The following TNFSF11 variants were observed in gnomAD, a reference collection of about 807,000 sequenced individuals.
The protein encoded by TNFSF11 is tumor necrosis factor ligand superfamily member 11.
Under a neutral mutation model 32.2 loss-of-function variants are expected in TNFSF11, and 12 were observed. The observed-to-expected ratio is 0.37, with a 90% CI of 0.24 to 0.60. TNFSF11 has a LOEUF of 0.60. TNFSF11 is among the 20% of genes least tolerant of loss of function. TNFSF11 has a pLI of 0.66. For missense variants in TNFSF11, 345 were observed against 398.0 expected (o/e 0.87, Z 1.13); for synonymous variants, 172 against 152.1 (o/e 1.13, Z -0.96).
chr13:42,572,165 A>G (rs1015180552), upstream of TNFSF11, among the ~76,000 whole-genome samples: 10 of 152,338 alleles, frequency 6.6e-5, no homozygotes, highest in African/African-American at 2.4e-4. Flanking sequence ...GAGTACTAGT[A>G]GAAATGTCAT....
At chr13:42,574,022 G>C (rs1873169675), upstream of TNFSF11, 1 of 516,776 alleles carries the variant, frequency 1.9e-6, no homozygotes, top group African/African-American at 2.0e-5. Flanking sequence ...GATTGAGAGA[G>C]AGGGAGGGCG....
At chr13:42,587,668 A>T (rs959225220) in intron 2 of TNFSF11, among the ~76,000 whole-genome samples, 1 of 152,230 alleles carries the variant, frequency 6.6e-6, no homozygotes, top group African/African-American at 2.4e-5. Flanking sequence ...ATAAACCTTG[A>T]TTGTCACCTG....
Position 42,563,741 on chromosome 13 carries a change from CTTG to C in TNFSF11, c.-302+782_-302+784del, listed in dbSNP as rs1872768701. Among the ~76,000 whole-genome samples, 3 of 151,010 alleles carry C rather than the reference CTTG, an allele frequency of 2.0e-5. No individual in the cohort carries two copies. The South Asian group carries it at 6.3e-4, about 32-fold the overall frequency. On this transcript the variant is annotated intron_variant, in intron 1 of 6. Coordinates refer to the TNFSF11 transcript ENST00000358545. ...AGCCTGAGGGAAAATATATGGACTA[CTTG>C]TTGGTTTTAAGGTTTTTTTCTTTGT...
chr13:42,562,973 G>A (rs1161020872), intron 1 of TNFSF11: 1 of 152,244 alleles, frequency 6.6e-6, no homozygotes, highest in Non-Finnish European at 1.5e-5. Flanking sequence ...GGTACTATTA[G>A]TTGCAGAAAT....
upstream of TNFSF11, among the ~76,000 whole-genome samples, chr13:42,572,167 A>C (rs966303980): frequency 4.6e-5 from 7 of 152,220 alleles, no homozygotes; most frequent in African/African-American, 1.7e-4. Flanking sequence ...GTACTAGTAG[A>C]AATGTCATAT....
Position 42,583,792 on chromosome 13 carries a change from T to C in TNFSF11, c.387+2499T>C, listed in dbSNP as rs150632997. On this transcript the variant is annotated intron_variant, in intron 2 of 4. Coordinates refer to ENST00000398795, the MANE Select transcript of TNFSF11 (RefSeq NM_003701.4). The stretch of plus-strand genomic sequence containing the variant: ...AAGATGCCCACTGTCCCTACGTTAT[T>C]TAGCGTTGTTCTGAAGGTGCCAGCT... 4.2e-3 allele frequency among the ~76,000 whole-genome samples: 633 copies of C among 152,264 alleles called. 3 individuals carry two copies. Among genetic ancestry groups the C allele is most frequent in the African/African-American group, 0.015 (612 of 41,564 alleles).
At chr13:42,563,189 C>T (rs1443601334) in intron 1 of TNFSF11, among the ~76,000 whole-genome samples, 2 of 152,184 alleles carry the variant, frequency 1.3e-5, no homozygotes, top group Non-Finnish European at 2.9e-5. Flanking sequence ...CCACAGCAGG[C>T]TCCCCTTCCC....
upstream of TNFSF11, among the ~76,000 whole-genome samples, chr13:42,572,810 C>T (rs369608249): frequency 3.3e-5 from 5 of 152,266 alleles, no homozygotes; most frequent in African/African-American, 1.2e-4. Context: ...ACTCAGAGAC[C>T]TGTCATTTGT....
chr13:42,602,141 G>A (rs1025606246), intron 4 of TNFSF11, among the ~76,000 whole-genome samples: 7 of 152,144 alleles, frequency 4.6e-5, no homozygotes, highest in African/African-American at 1.7e-4. Context: ...GACTGCCTGG[G>A]TTTGAGGCTC....
intron 4 of TNFSF11, among the ~76,000 whole-genome samples, chr13:42,604,185 G>A (rs1869328338): frequency 6.6e-6 from 1 of 152,206 alleles, no homozygotes; most frequent in Non-Finnish European, 1.5e-5. Flanking sequence ...TTGACTGCAA[G>A]AGTGGGATAA....
At chr13:42,598,383 A>C (rs968651529) in intron 2 of TNFSF11, among the ~76,000 whole-genome samples, 1 of 152,238 alleles carries the variant, frequency 6.6e-6, no homozygotes, top group Admixed American at 6.5e-5. Flanking sequence ...TACTGTGTAT[A>C]TATAACCATA....
intron 2 of TNFSF11, among the ~76,000 whole-genome samples, chr13:42,592,531 G>C (rs1257187661): frequency 6.6e-6 from 1 of 152,212 alleles, no homozygotes; most frequent in Non-Finnish European, 1.5e-5. Flanking sequence ...ATGTTCACCT[G>C]CTAGGAAGGC....
At chr13:42,574,143 G>A (rs1594457727), upstream of TNFSF11, 1 of 905,602 alleles carries the variant, frequency 1.1e-6, no homozygotes, top group East Asian at 2.7e-5. Flanking sequence ...TGGGGCTGCC[G>A]GGCGCCCTGC....
chr13:42,602,826 C>T (rs1869250749), intron 4 of TNFSF11, among the ~76,000 whole-genome samples: 1 of 152,206 alleles, frequency 6.6e-6, no homozygotes, highest in Non-Finnish European at 1.5e-5. Context: ...CTTTAAATGG[C>T]ATATGATAAA....
chr13:42,574,257 G>GGGAGCGGGAGAGGGAGGAGAGCTCC lies in TNFSF11; in HGVS notation c.-45_-21dup, dbSNP rs1413079012. On this transcript the variant is annotated 5_prime_UTR_variant, in exon 1 of 5. Transcript: ENST00000398795. ...GAGTTGGCCGCAGACAAGAAGGGGA[G>GGGAGCGGGAGAGGGAGGAGAGCTCC]GGAGCGGGAGAGGGAGGAGAGCTCC... is the stretch of plus-strand genomic sequence containing the variant. 18 of 1,540,914 alleles carry GGGAGCGGGAGAGGGAGGAGAGCTCC rather than the reference G, an allele frequency of 1.2e-5. No individual in the cohort carries two copies. The East Asian group carries it at 4.2e-4, about 36-fold the overall frequency.
intron 2 of TNFSF11, among the ~76,000 whole-genome samples, chr13:42,567,091 A>G (rs1043190245): frequency 6.6e-6 from 1 of 152,174 alleles, no homozygotes; most frequent in Non-Finnish European, 1.5e-5. Context: ...AGTTTCAAAG[A>G]AGAAACAATA....
intron 1 of TNFSF11, among the ~76,000 whole-genome samples, chr13:42,565,373 T>C (rs1196512535): frequency 1.3e-5 from 2 of 152,208 alleles, no homozygotes; most frequent in East Asian, 1.9e-4. Context: ...AATAATATGC[T>C]TTTTCTCTTT....
At chr13:42,598,735 A>G (rs1713974632) in intron 2 of TNFSF11, among the ~76,000 whole-genome samples, 1 of 152,246 alleles carries the variant, frequency 6.6e-6, no homozygotes, top group Non-Finnish European at 1.5e-5. Context: ...TGCAGCAGGT[A>G]GTAGAGCGCC....
intron 2 of TNFSF11, among the ~76,000 whole-genome samples, chr13:42,582,357 G>C (rs1250876449): frequency 2.0e-5 from 3 of 152,224 alleles, no homozygotes; most frequent in Non-Finnish European, 4.4e-5. Flanking sequence ...GTTTTATAAA[G>C]CCAGCTAATG....
Sources: gnomAD v4.1 joint callset for allele counts (sites outside exome capture counted in the v4.1 genomes callset) on GRCh38, gnomAD v4.1.1 for gene constraint, MANE v1.5 for transcripts, NCBI Gene and HGNC (gene_info 2026-07-23, HGNC 2026-07-21) for gene names.